The following RPRD2 variants were observed in gnomAD, a reference collection of about 807,000 sequenced individuals.
RPRD2 encodes regulation of nuclear pre-mRNA domain-containing protein 2.
RPRD2 carries 12 observed loss-of-function variants against 104.4 expected under a neutral mutation model. That is an observed-to-expected ratio of 0.11 (90% CI 0.07 to 0.19). The LOEUF is 0.19. RPRD2 is among the 10% of genes least tolerant of loss of function. The probability of loss-of-function intolerance (pLI) is 1.00; values close to 1 mark genes in which losing one functional copy is unlikely to be tolerated. For synonymous variants in RPRD2, 714 were observed against 684.9 expected, an observed-to-expected ratio of 1.04 and a Z score of -0.66; for missense variants, 1,543 against 1,790.1, an observed-to-expected ratio of 0.86 and a Z score of 2.49.
chr1:150,460,401 G>T (rs1667849783), intron 9 of RPRD2, 84 bp downstream of exon 9: 1 of 1,230,594 alleles, frequency 8.1e-7, no homozygotes, highest in Non-Finnish European at 1.1e-6. Flanking sequence ...GGGGGTTGTT[G>T]TTGTTGTTGT....
intron 1 of RPRD2, among the ~76,000 whole-genome samples, chr1:150,392,851 CAAAGA>C (rs1341973246): frequency 1.3e-5 from 2 of 151,020 alleles, no homozygotes; most frequent in South Asian, 2.1e-4. Flanking sequence ...AGAAAAAAAA[CAAAGA>C]AAAGAAAACT....
chr1:150,422,803 C>T (rs1200012791), intron 2 of RPRD2, among the ~76,000 whole-genome samples: 9 of 152,040 alleles, frequency 5.9e-5, no homozygotes, highest in African/African-American at 1.9e-4. Flanking sequence ...TCCTTGAATG[C>T]CTTTAAGGTG....
At chr1:150,410,323 G>T (rs1663805767) in intron 1 of RPRD2, among the ~76,000 whole-genome samples, 1 of 152,086 alleles carries the variant, frequency 6.6e-6, no homozygotes, top group South Asian at 2.1e-4. Context: ...ATTTTTAAAG[G>T]ATCACCCTCT....
chr1:150,455,842 C>T (rs1296003023), intron 7 of RPRD2, among the ~76,000 whole-genome samples: 3 of 152,126 alleles, frequency 2.0e-5, no homozygotes, highest in Non-Finnish European at 4.4e-5. Flanking sequence ...GAGATAGGGT[C>T]TCGCTTTGTC....
intron 7 of RPRD2, among the ~76,000 whole-genome samples, chr1:150,448,584 C>A (rs1666951741): frequency 6.6e-6 from 1 of 152,210 alleles, no homozygotes; most frequent in South Asian, 2.1e-4. Context: ...AAAAAGCTTA[C>A]ATTATAACTC....
At chr1:150,419,260 A>G (rs1664590399) in intron 2 of RPRD2, among the ~76,000 whole-genome samples, 1 of 152,170 alleles carries the variant, frequency 6.6e-6, no homozygotes, top group African/African-American at 2.4e-5. Flanking sequence ...ATATATAAAC[A>G]CTTATATGGA....
chr1:150,466,246 C>T (rs1409387735), intron 10 of RPRD2, among the ~76,000 whole-genome samples: 31 of 151,582 alleles, frequency 2.0e-4, no homozygotes, highest in African/African-American at 7.3e-4. Context: ...GGCGTGGTGG[C>T]GGGCACCTGT....
At position 150,368,761 on chromosome 1, in the gene RPRD2, C is replaced by T. The variant is rs587714370; in HGVS notation, c.205+3842C>T. ...GATTACAGGTGTGAGCCGCCGCACC[C>T]GGTACCTGGCTAATTTTTGTATTTT... is the stretch of plus-strand genomic sequence containing the variant. On this transcript the variant is annotated intron_variant, in intron 1 of 10. Coordinates refer to ENST00000369068, the MANE Select transcript of RPRD2 (RefSeq NM_015203.5). Among the ~76,000 whole-genome samples, 10 of 152,054 alleles carry T rather than the reference C, an allele frequency of 6.6e-5. No individual in the cohort carries two copies. The South Asian group carries it at 1.9e-3, about 28-fold the overall frequency.
intron 1 of RPRD2, among the ~76,000 whole-genome samples, chr1:150,381,924 T>TA (rs1661166682): frequency 6.6e-6 from 1 of 152,208 alleles, no homozygotes; most frequent in Non-Finnish European, 1.5e-5. Flanking sequence ...TTATGGTTGC[T>TA]ACTAACCTCT....
intron 10 of RPRD2, among the ~76,000 whole-genome samples, chr1:150,465,644 C>A (rs74748085): frequency 6.6e-6 from 1 of 152,070 alleles, no homozygotes. Flanking sequence ...ATTCTTTCAC[C>A]TACACCATGA....
At chr1:150,433,957 T>C (rs941389303) in intron 2 of RPRD2, among the ~76,000 whole-genome samples, 3 of 151,840 alleles carry the variant, frequency 2.0e-5, no homozygotes, top group Admixed American at 2.0e-4. Flanking sequence ...ATATAATTTG[T>C]TTTTTAACCA....
At chr1:150,384,353 A>G (rs1236327921) in intron 1 of RPRD2, among the ~76,000 whole-genome samples, 1 of 151,912 alleles carries the variant, frequency 6.6e-6, no homozygotes, top group Non-Finnish European at 1.5e-5. Context: ...TATATAAGCA[A>G]AAGTGTGAAA....
chr1:150,433,793 G>T (rs749221328), intron 2 of RPRD2, among the ~76,000 whole-genome samples: 79 of 108,266 alleles, frequency 7.3e-4, no homozygotes, highest in Non-Finnish European at 7.1e-4. Context: ...TGGGAAGTTA[G>T]CAATATATAT....
At chr1:150,409,927 G>C (rs1488363187) in intron 1 of RPRD2, among the ~76,000 whole-genome samples, 1 of 152,172 alleles carries the variant, frequency 6.6e-6, no homozygotes, top group Non-Finnish European at 1.5e-5. Context: ...TTATAGGCGT[G>C]AGCTACCGCA....
chr1:150,402,697 T>C (rs11586880), intron 1 of RPRD2, among the ~76,000 whole-genome samples: 12,454 of 151,578 alleles, frequency 0.082, 672 homozygotes, highest in Non-Finnish European at 0.12. Flanking sequence ...CCGGGCGCGG[T>C]GGCTCACGCC....
At chr1:150,407,871 GT>G (rs1158139292) in intron 1 of RPRD2, among the ~76,000 whole-genome samples, 1 of 152,126 alleles carries the variant, frequency 6.6e-6, no homozygotes, top group African/African-American at 2.4e-5. Flanking sequence ...CAGAGGGTAT[GT>G]TATGGACGAT....
chr1:150,437,407 G>A (rs999047748), intron 2 of RPRD2, among the ~76,000 whole-genome samples: 2 of 152,102 alleles, frequency 1.3e-5, no homozygotes, highest in Non-Finnish European at 2.9e-5. Context: ...CATCATCAAG[G>A]CAAGACCCTC....
chr1:150,413,865 C>T (rs1041217597), intron 1 of RPRD2, among the ~76,000 whole-genome samples: 2 of 151,640 alleles, frequency 1.3e-5, no homozygotes, highest in Admixed American at 1.3e-4. Flanking sequence ...GCAGAGGTTG[C>T]GGTGAGCTGA....
chr1:150,454,057 T>C (rs1441596868), intron 7 of RPRD2, among the ~76,000 whole-genome samples: 1 of 152,186 alleles, frequency 6.6e-6, no homozygotes, highest in Non-Finnish European at 1.5e-5. Flanking sequence ...TGTTTCCTCA[T>C]CACTATGAGA....
Sources: allele counts gnomAD v4.1 joint callset (sites outside exome capture counted in the v4.1 genomes callset), GRCh38; gene constraint gnomAD v4.1.1; transcripts MANE v1.5; gene names NCBI Gene and HGNC (gene_info 2026-07-23, HGNC 2026-07-21).